The following ZNF516 variants were observed in gnomAD, a reference collection of about 807,000 sequenced individuals.
ZNF516 encodes zinc finger protein 516.
In ZNF516, 19 loss-of-function variants were observed where a neutral mutation model predicts 79.7. That is an observed-to-expected ratio of 0.24 (90% confidence interval 0.17 to 0.35). ZNF516 has a LOEUF of 0.35. Among genes scored for constraint, ZNF516 ranks in the 10% least tolerant of loss-of-function variants. The probability of loss-of-function intolerance (pLI) is 1.00; values close to 1 mark genes in which losing one functional copy is unlikely to be tolerated. For synonymous variants in ZNF516, 877 were observed against 739.5 expected (o/e 1.19, Z -3.02); for missense variants, 1,678 against 1,679.5 (o/e 1.00, Z 0.02).
intron 6 of ZNF516, among the ~76,000 whole-genome samples, chr18:76,366,873 T>C (rs1272087594): frequency 2.0e-5 from 3 of 152,186 alleles, no homozygotes; most frequent in Non-Finnish European, 4.4e-5. Context: ...ATGTCTATGG[T>C]AGAGGATCAA....
upstream of ZNF516, chr18:76,495,858 T>C (rs1915462533): frequency 3.2e-6 from 2 of 627,146 alleles, no homozygotes; most frequent in South Asian, 2.6e-5. Context: ...CTGGGGGTGT[T>C]CAGATGCAGG....
At chr18:76,483,131 CAAAGAA>C in intron 1 of ZNF516, among the ~76,000 whole-genome samples, 1 of 152,262 alleles carries the variant, frequency 6.6e-6, no homozygotes. Context: ...TCTTGCACAA[CAAAGAA>C]AAACTACCTG....
At chr18:76,368,748 CATATA>C (rs2074657927) in intron 6 of ZNF516, among the ~76,000 whole-genome samples, 4 of 152,284 alleles carry the variant, frequency 2.6e-5, no homozygotes, top group South Asian at 2.1e-4. Context: ...TATTGTTACT[CATATA>C]ATAAAATTAT....
intron 3 of ZNF516, among the ~76,000 whole-genome samples, chr18:76,436,233 G>C (rs923658005): frequency 6.6e-6 from 1 of 152,266 alleles, no homozygotes; most frequent in Middle Eastern, 3.4e-3. Context: ...GACCCCCTCA[G>C]AATGAGGACA....
upstream of ZNF516, chr18:76,496,174 G>A: frequency 2.0e-6 from 2 of 1,002,900 alleles, no homozygotes; most frequent in Non-Finnish European, 2.6e-6. Flanking sequence ...GGGGGCGGGG[G>A]AGGGGCGGGT....
intron 1 of ZNF516, among the ~76,000 whole-genome samples, chr18:76,489,027 C>T (rs1915002307): frequency 6.6e-6 from 1 of 152,244 alleles, no homozygotes; most frequent in African/African-American, 2.4e-5. Flanking sequence ...AAGCTCCCTG[C>T]TGCAGAACGC....
chr18:76,487,972 G>T (rs765220986), intron 1 of ZNF516: 26 of 985,304 alleles, frequency 2.6e-5, no homozygotes, highest in Non-Finnish European at 3.1e-5. Context: ...CCACCAGTTA[G>T]CGACCAGCCC....
At chr18:76,485,084 G>A (rs143098406) in intron 1 of ZNF516, among the ~76,000 whole-genome samples, 6 of 152,250 alleles carry the variant, frequency 3.9e-5, no homozygotes, top group Non-Finnish European at 7.4e-5. Context: ...GAATGAGATC[G>A]TCTTGCTTGC....
chr18:76,417,327 G>C (rs1005033427), intron 3 of ZNF516, among the ~76,000 whole-genome samples: 2 of 152,180 alleles, frequency 1.3e-5, no homozygotes, highest in African/African-American at 4.8e-5. Flanking sequence ...ATTAACCCAT[G>C]AAAGCGTGGA....
At chr18:76,460,118 C>T (rs9944939) in intron 2 of ZNF516, among the ~76,000 whole-genome samples, 2,679 of 152,338 alleles carry the variant, frequency 0.018, 90 homozygotes, top group African/African-American at 0.062. Flanking sequence ...CAAGGGGCGA[C>T]ACTCACCCGA....
intron 3 of ZNF516, among the ~76,000 whole-genome samples, chr18:76,392,009 G>C (rs2075080750): frequency 6.6e-6 from 1 of 152,218 alleles, no homozygotes; most frequent in Non-Finnish European, 1.5e-5. Flanking sequence ...CTCTGCCGCG[G>C]CTCACAACGC....
At chr18:76,396,002 G>A (rs971779574) in intron 3 of ZNF516, among the ~76,000 whole-genome samples, 5 of 152,136 alleles carry the variant, frequency 3.3e-5, no homozygotes, top group Admixed American at 2.6e-4. Flanking sequence ...GGTGATCCAC[G>A]TACAACCTGA....
At chr18:76,473,541 C>T (rs951921947) in intron 1 of ZNF516, among the ~76,000 whole-genome samples, 5 of 152,068 alleles carry the variant, frequency 3.3e-5, no homozygotes, top group Non-Finnish European at 7.4e-5. Context: ...GTGGCTCACG[C>T]CTGTAATCAC....
At chr18:76,479,007 G>C (rs746457672) in intron 1 of ZNF516, among the ~76,000 whole-genome samples, 1 of 151,708 alleles carries the variant, frequency 6.6e-6, no homozygotes, top group Non-Finnish European at 1.5e-5. Flanking sequence ...AGTGAGCCGA[G>C]ATCATGCCAC....
Position 76,442,743 on chromosome 18 carries a change from C to T in ZNF516, c.312G>A (p.Glu104=). 5 of 1,584,936 alleles carry T rather than the reference C, an allele frequency of 3.2e-6. No homozygotes were observed. Among genetic ancestry groups the T allele is most frequent in the Non-Finnish European group, 4.3e-6 (5 of 1,165,742 alleles). ...CGTCCAGGCCCTCGGAGGCGCGCAT[C>T]TCACCCAGCGGCGCCTCGCCCGCCT... is the stretch of plus-strand genomic sequence containing the variant. ...EPEAGEAPLG[E]MRASEGLDAC... is the part of the protein sequence containing the mutation. The change falls in exon 3 of 7, where the codon GAG becomes GAA. Residue 104 remains glutamate, a synonymous_variant. Transcript: ENST00000443185.
intron 2 of ZNF516, among the ~76,000 whole-genome samples, 159 bp from the exon 3 acceptor site, chr18:76,443,370 G>A (rs1276700303): frequency 6.6e-6 from 1 of 152,172 alleles, no homozygotes; most frequent in African/African-American, 2.4e-5. Flanking sequence ...GCAGCTGCTT[G>A]CCTTAGTAAA....
At chr18:76,396,135 G>A (rs2075143746) in intron 3 of ZNF516, among the ~76,000 whole-genome samples, 1 of 152,152 alleles carries the variant, frequency 6.6e-6, no homozygotes. Flanking sequence ...CAGGTCACTG[G>A]TTCTCCCATC....
upstream of ZNF516, among the ~76,000 whole-genome samples, chr18:76,496,083 A>G (rs1388250465): frequency 1.3e-5 from 2 of 151,482 alleles, no homozygotes; most frequent in African/African-American, 4.9e-5. Context: ...GTCTGGGACT[A>G]GAAATCCTAA....
At chr18:76,440,947 C>A (rs1255984795) in intron 3 of ZNF516, among the ~76,000 whole-genome samples, 1 of 152,108 alleles carries the variant, frequency 6.6e-6, no homozygotes, top group African/African-American at 2.4e-5. Flanking sequence ...GAAAGGGGCT[C>A]CAAGGGGAGC....
Sources: gnomAD v4.1 joint callset for allele counts (sites outside exome capture counted in the v4.1 genomes callset) on GRCh38, gnomAD v4.1.1 for gene constraint, MANE v1.5 for transcripts, NCBI Gene and HGNC (gene_info 2026-07-23, HGNC 2026-07-21) for gene names.